BMP2K: variants seen among roughly 807,000 people sequenced by gnomAD.
BMP2K encodes the protein BMP2 inducible kinase, also known as BMP-2-inducible protein kinase.
A neutral mutation model predicts 116.0 loss-of-function variants in BMP2K; 74 were observed. The observed-to-expected ratio is 0.64, with a 90% confidence interval of 0.53 to 0.77. The LOEUF (loss-of-function observed/expected upper bound fraction) is 0.77, where lower values mean the gene tolerates loss of function less well. Ranked by LOEUF, BMP2K falls within the 30% of genes least tolerant of loss-of-function variation. BMP2K has a pLI of 0.00. For missense variants in BMP2K, 1,365 were observed against 1,403.6 expected (o/e 0.97, Z 0.44); for synonymous variants, 486 against 502.5 (o/e 0.97, Z 0.44).
chr4:78,895,934 T>A lies in BMP2K; in HGVS notation c.2062+8650T>A, dbSNP rs1490226977. Among the ~76,000 whole-genome samples the A allele has an allele frequency of 2.0e-5, 3 of 152,128 alleles. No homozygotes were observed. In the East Asian group the frequency reaches 5.8e-4, roughly 29 times the overall value. On this transcript the variant is annotated intron_variant, in intron 15 of 15. Transcript: ENST00000502613. ...AAGCTACCTCGCCCAGCTAATTTTT[T>A]AATTTTTAGTAGAGACAAGGTCTCG...
chr4:78,861,476 A>G lies in BMP2K; in HGVS notation c.1067+8A>G. On this transcript the variant is annotated splice_region_variant and intron_variant, in intron 9 of 15. Transcript: ENST00000502613. ...AAGCCAAATAAAAGCCAGGTAGGCA[A>G]AACTATGCTGAAATTGAAAAGGCAT... is the stretch of plus-strand genomic sequence containing the variant. The G allele has an allele frequency of 6.3e-7, 1 of 1,599,054 alleles. No homozygotes were observed. The highest frequency in any genetic ancestry group is 2.2e-5 in the East Asian group (1 of 44,708).
intron 1 of BMP2K, among the ~76,000 whole-genome samples, chr4:78,780,003 T>G (rs1230157959): frequency 6.6e-6 from 1 of 152,178 alleles, no homozygotes. Context: ...TATGTTGGTT[T>G]TAGCTTCAAA....
rs933623915 is a variant in BMP2K at position 78,827,523 on chromosome 4, G to T, written c.297+1368G>T. ...ACATGTCTTTATTCATCCTATGTCTGCACTGCTGCAGTACCCCTATGTGTG... is the reference window on the plus strand; with the variant it reads ...ACATGTCTTTATTCATCCTATGTCTTCACTGCTGCAGTACCCCTATGTGTG... On this transcript the variant is annotated intron_variant, in intron 2 of 15. Coordinates refer to ENST00000502613, the MANE Select transcript of BMP2K (RefSeq NM_198892.2). Among the ~76,000 whole-genome samples, 4 of 152,244 alleles carry T rather than the reference G, an allele frequency of 2.6e-5. No individual in the cohort carries two copies. The East Asian group carries it at 7.7e-4, about 29-fold the overall frequency.
intron 1 of BMP2K, among the ~76,000 whole-genome samples, chr4:78,810,510 T>C (rs1172119332): frequency 6.6e-6 from 1 of 152,232 alleles, no homozygotes; most frequent in Non-Finnish European, 1.5e-5. Context: ...TTTAAACAGA[T>C]GCCCTGGTGA....
At position 78,870,949 on chromosome 4, in the gene BMP2K, G is replaced by GCAA. The variant is rs754797676; in HGVS notation, c.1400_1401insACA (p.Gln486dup). ...CTCACCAGCAGCAGCAGCAGCAGCA[G>GCAA]CAGCAACAGCAACAGCAGCAGCAGC... On this transcript the variant is annotated inframe_insertion, in exon 11 of 16. Coordinates refer to ENST00000502613, the MANE Select transcript of BMP2K (RefSeq NM_198892.2). The GCAA allele has an allele frequency of 1.9e-6, 3 of 1,610,448 alleles. No homozygotes were observed. The highest frequency in any genetic ancestry group is 3.3e-4 in the Middle Eastern group (2 of 6,034).
chr4:78,779,652 T>C (rs1345939268), intron 1 of BMP2K, among the ~76,000 whole-genome samples: 1 of 152,214 alleles, frequency 6.6e-6, no homozygotes, highest in African/African-American at 2.4e-5. Flanking sequence ...TTTGTAAATA[T>C]AGTATCCTCA....
At chr4:78,854,163 CTTTTT>C (rs765059261) in intron 7 of BMP2K, among the ~76,000 whole-genome samples, 1 of 112,430 alleles carries the variant, frequency 8.9e-6, no homozygotes, top group Non-Finnish European at 1.9e-5. Context: ...CAGGTAAAAG[CTTTTT>C]TTTTTTTTTT....
At chr4:78,895,274 A>G (rs1733642846) in intron 15 of BMP2K, among the ~76,000 whole-genome samples, 1 of 152,192 alleles carries the variant, frequency 6.6e-6, no homozygotes, top group Admixed American at 6.5e-5. Context: ...GGCACAATAC[A>G]AAAACGTACA....
intron 3 of BMP2K, among the ~76,000 whole-genome samples, chr4:78,840,669 C>T (rs927941313): frequency 2.0e-5 from 3 of 151,830 alleles, no homozygotes; most frequent in Admixed American, 6.6e-5. Flanking sequence ...TCAGAAAACT[C>T]TGAGTTTTGA....
intron 1 of BMP2K, among the ~76,000 whole-genome samples, chr4:78,817,141 C>G (rs894521272): frequency 2.0e-5 from 3 of 152,144 alleles, no homozygotes; most frequent in African/African-American, 7.2e-5. Context: ...TCTTCCTAAG[C>G]AGAAGATAAA....
In BMP2K at chr4:78,833,577, TCCAG is replaced by T; in HGVS notation, c.298-4_298-1del. 6.4e-7 allele frequency: 1 copy of T among 1,561,288 alleles called. No homozygotes were observed. Among genetic ancestry groups the T allele is most frequent in the Non-Finnish European group, 8.6e-7 (1 of 1,157,046 alleles). Reference sequence around the variant, plus strand: ...TCCAGTTTTCATTTTTTTTTTTCTTTCCAGAAAGAGCTATCTGGTCACAAAAATA... The same window carrying T: ...TCCAGTTTTCATTTTTTTTTTTCTTTAAAGAGCTATCTGGTCACAAAAATA... On this transcript the variant is annotated splice_acceptor_variant and splice_polypyrimidine_tract_variant and intron_variant, in intron 2 of 15. Coordinates refer to ENST00000502613, the MANE Select transcript of BMP2K (RefSeq NM_198892.2). LOFTEE classifies it high-confidence loss of function.
At chr4:78,808,682 A>AT (rs1231915030) in intron 1 of BMP2K, among the ~76,000 whole-genome samples, 6 of 151,974 alleles carry the variant, frequency 3.9e-5, no homozygotes, top group Non-Finnish European at 1.5e-5. Flanking sequence ...ACCTGAAAGT[A>AT]TTTTCTCATT....
intron 2 of BMP2K, among the ~76,000 whole-genome samples, chr4:78,826,482 T>A (rs1729880405): frequency 1.3e-5 from 2 of 152,168 alleles, no homozygotes; most frequent in African/African-American, 4.8e-5. Flanking sequence ...GGATTACAGG[T>A]GTGAGCCACC....
intron 1 of BMP2K, among the ~76,000 whole-genome samples, chr4:78,812,325 T>G (rs1044820720): frequency 6.6e-6 from 1 of 152,320 alleles, no homozygotes; most frequent in Admixed American, 6.5e-5. Context: ...TTCTCTCAGC[T>G]ATAAATGATG....
At chr4:78,849,354 T>A (rs1345023850) in intron 6 of BMP2K, among the ~76,000 whole-genome samples, 1 of 151,532 alleles carries the variant, frequency 6.6e-6, no homozygotes, top group Admixed American at 6.6e-5. Flanking sequence ...TGTGAAAAAA[T>A]TAGTGTACCT....
chr4:78,825,463 A>C (rs879275780), intron 1 of BMP2K, among the ~76,000 whole-genome samples: 1 of 152,218 alleles, frequency 6.6e-6, no homozygotes, highest in Admixed American at 6.5e-5. Context: ...CCAGTCTTTT[A>C]TCTATGGAAA....
intron 15 of BMP2K, chr4:78,887,981 C>G (rs1044910263): frequency 6.6e-6 from 1 of 152,170 alleles, no homozygotes; most frequent in Admixed American, 6.5e-5. Context: ...CAGTTCTGTT[C>G]CTTTTGTTTC....
At chr4:78,861,130 A>G (rs1332730021) in intron 8 of BMP2K, among the ~76,000 whole-genome samples, 1 of 151,888 alleles carries the variant, frequency 6.6e-6, no homozygotes, top group Non-Finnish European at 1.5e-5. Flanking sequence ...CCAATTATAA[A>G]TGGATACAGT....
At chr4:78,808,761 A>G (rs1728944272) in intron 1 of BMP2K, among the ~76,000 whole-genome samples, 2 of 151,990 alleles carry the variant, frequency 1.3e-5, no homozygotes. Flanking sequence ...ATGCTCTTGA[A>G]TTTCTCAAAT....
Sources: gnomAD v4.1 joint callset for allele counts (sites outside exome capture counted in the v4.1 genomes callset) on GRCh38, gnomAD v4.1.1 for gene constraint, MANE v1.5 for transcripts, NCBI Gene and HGNC (gene_info 2026-07-23, HGNC 2026-07-21) for gene names.